The following KMT2B variants were observed in gnomAD, a reference collection of about 807,000 sequenced individuals.
KMT2B encodes histone-lysine N-methyltransferase 2B.
KMT2B carries 22 observed loss-of-function variants against 255.3 expected under a neutral mutation model. The ratio of observed to expected loss-of-function variants is 0.09; its 90% CI spans 0.06 to 0.12. KMT2B has a LOEUF of 0.12. Ranked by LOEUF, KMT2B falls within the 10% of genes least tolerant of loss-of-function variation. KMT2B has a pLI of 1.00. For missense variants in KMT2B, 3,149 were observed against 3,737.0 expected, an observed-to-expected ratio of 0.84 and a Z score of 4.10; for synonymous variants, 1,730 against 1,498.1, an observed-to-expected ratio of 1.15 and a Z score of -3.57.
intron 3 of KMT2B, 124 bp from the exon 4 acceptor site, chr19:35,722,235 C>G: frequency 1.0e-6 from 1 of 986,528 alleles, no homozygotes; most frequent in South Asian, 1.7e-5. Flanking sequence ...GAACTCCTGA[C>G]CTCGTGATCT....
In KMT2B at chr19:35,722,374, C is replaced by G. The variant is rs200726362; in HGVS notation, c.2473C>G (p.Gln825Glu). The change falls in exon 4 of 37, where the codon CAG becomes GAG. Residue 825 changes from glutamine (Q) to glutamate (E), a missense_variant. Gln to Glu is a conservative substitution (Grantham distance 29). Around this residue, in one of 18 missense-constraint regions of KMT2B, gnomAD observed 1,188 missense variants for 1,106.4 expected, o/e 1.07. Transcript: ENST00000420124. ...AASMPLSPGG[Q>E]MEEVAGAVKQ... ...TCCCTGCCAGCTGAGCCCTGGAGGG[C>G]AGATGGAGGAGGTGGCCGGGGCTGT... is the stretch of plus-strand genomic sequence containing the variant. 2.5e-6 allele frequency: 4 copies of G among 1,610,038 alleles called. No individual in the cohort carries two copies. The highest frequency in any genetic ancestry group is 2.7e-5 in the African/African-American group (2 of 75,034).
Position 35,733,414 on chromosome 19 carries a change from C to T in KMT2B, c.6865C>T (p.Pro2289Ser), listed in dbSNP as rs1290854768. 1.3e-6 allele frequency: 2 copies of T among 1,552,350 alleles called. No homozygotes were observed. Among genetic ancestry groups the T allele is most frequent in the Non-Finnish European group, 1.7e-6 (2 of 1,148,104 alleles). Residue 2289 changes from proline (P) to serine (S), a missense_variant, in exon 28 of 37, where the codon CCG (proline) becomes TCG (serine). Transcript: ENST00000420124. This position sits in a 1 kb window ranked among gnomAD's most constrained non-coding sequence, Gnocchi z 4.3. ...GGTGTCCACTTTCTCCGGCCGGTCC[C>T]CGCCAGCACCTCCCCCATACAAAGC... ...KRVSTFSGRS[P>S]PAPPPYKAPR...
At chr19:35,722,899 G>A (rs113036236) in intron 5 of KMT2B, 96 bp from the exon 6 acceptor site, 2 of 1,439,370 alleles carry the variant, frequency 1.4e-6, no homozygotes, top group Non-Finnish European at 1.8e-6. Flanking sequence ...CTGGCGCTGT[G>A]AGAAAGCGAG....
rs985065417 is a variant in KMT2B at position 35,721,071 on chromosome 19, A to T, written c.1724A>T (p.Gln575Leu). ...ATTACCACCTCCCCACCTGTTCCCCAGGAGCCAGCACCAGTCCCCTCTCCA... is the reference window on the plus strand; with the variant it reads ...ATTACCACCTCCCCACCTGTTCCCCTGGAGCCAGCACCAGTCCCCTCTCCA... ...PPITTSPPVP[Q>L]EPAPVPSPPR... The change falls in exon 3 of 37, where the codon CAG (glutamine) becomes CTG (leucine). Residue 575 changes from glutamine (Q) to leucine (L), a missense_variant. Gln to Leu is a moderately radical substitution (Grantham distance 113, BLOSUM62 -2). Around this residue, in one of 18 missense-constraint regions of KMT2B, gnomAD observed 1,188 missense variants for 1,106.4 expected, o/e 1.07. Coordinates refer to ENST00000420124, the MANE Select transcript of KMT2B (RefSeq NM_014727.3). 6.4e-7 allele frequency: 1 copy of T among 1,557,074 alleles called. No homozygotes were observed. Among genetic ancestry groups the T allele is most frequent in the African/African-American group, 1.7e-5 (1 of 59,548 alleles).
chr19:35,734,614 G>A (rs1459371036), intron 30 of KMT2B, among the ~76,000 whole-genome samples: 1 of 152,182 alleles, frequency 6.6e-6, no homozygotes, highest in Non-Finnish European at 1.5e-5. Context: ...TGAGGTAAAG[G>A]AGAGGAGGGA....
chr19:35,732,174 G>A (rs752508246), intron 27 of KMT2B, 39 bp downstream of exon 27: 7 of 1,568,072 alleles, frequency 4.5e-6, no homozygotes, highest in African/African-American at 2.7e-5. Flanking sequence ...GTGGAGCCGC[G>A]GAGGTGGGAG....
At position 35,733,035 on chromosome 19, in the gene KMT2B, A is replaced by T. The variant is rs1417160005; in HGVS notation, c.6486A>T (p.Thr2162=). ...LTASPADPTR[T]FAWLPGAPGV... ...CCAGCCCAGCTGACCCCACCCGCAC[A>T]TTTGCCTGGCTCCCAGGGGCCCCAG... Residue 2162 remains threonine, a synonymous_variant, in exon 28 of 37, where the codon ACA becomes ACT. Coordinates refer to ENST00000420124, the MANE Select transcript of KMT2B (RefSeq NM_014727.3). This position sits in a 1 kb window ranked among gnomAD's most constrained non-coding sequence, Gnocchi z 4.3. 1 of 1,588,706 alleles carries T rather than the reference A, an allele frequency of 6.3e-7. No homozygotes were observed. Among genetic ancestry groups the T allele is most frequent in the Non-Finnish European group, 8.6e-7 (1 of 1,168,256 alleles).
chr19:35,729,434 C>A (rs747371991), intron 22 of KMT2B, 138 bp downstream of exon 22: 2 of 1,197,830 alleles, frequency 1.7e-6, no homozygotes, highest in East Asian at 2.6e-5. Context: ...TGCCCTGGGA[C>A]GTTGGTGCTG....
In KMT2B at chr19:35,720,610, G is replaced by A. The variant is rs1019799647; in HGVS notation, c.1263G>A (p.Ser421=). ...PSPPPPLPPP[S]TSPPPPLCPP... ...CTCCTCCACCCCTCCCACCCCCTTC[G>A]ACATCTCCTCCACCCCCACTCTGCC... The change falls in exon 3 of 37, where the codon TCG becomes TCA. Residue 421 remains serine, a synonymous_variant. Coordinates refer to ENST00000420124, the MANE Select transcript of KMT2B (RefSeq NM_014727.3). The A allele has an allele frequency of 2.1e-5, 25 of 1,195,080 alleles. No individual in the cohort carries two copies. The South Asian group carries it at 2.6e-4, about 12-fold the overall frequency. 74.0% of individuals were successfully genotyped at this position (1,195,080 alleles called of 1,614,324 possible). A position where few individuals can be genotyped will look rare whatever the true frequency, so the allele number is the denominator to read the frequency against.
In KMT2B at chr19:35,733,334, T is replaced by C; in HGVS notation, c.6785T>C (p.Leu2262Pro). The C allele has an allele frequency of 8.5e-7, 1 of 1,180,462 alleles. No individual in the cohort carries two copies. Among genetic ancestry groups the C allele is most frequent in the Non-Finnish European group, 1.2e-6 (1 of 862,330 alleles). 73.1% of individuals were successfully genotyped at this position (1,180,462 alleles called of 1,614,324 possible). ...APPPPPPPLTLVLSSGPASPP... is the reference protein window; with the variant it reads ...APPPPPPPLTPVLSSGPASPP... ...CCCCCGCCACCCCCTCCCCTGACGC[T>C]GGTGCTGAGCAGTGGGCCAGCCAGC... Residue 2262 changes from leucine to proline, a missense_variant, in exon 28 of 37, where the codon CTG (leucine) becomes CCG (proline). Physicochemically the swap from Leu to Pro is moderately conservative, Grantham distance 98 (BLOSUM62 -3). Around this residue, in one of 18 missense-constraint regions of KMT2B, gnomAD observed 897 missense variants for 825.3 expected, o/e 1.09. Coordinates refer to ENST00000420124, the MANE Select transcript of KMT2B (RefSeq NM_014727.3). The surrounding 1 kb of genome is among the most constrained non-coding windows in gnomAD (Gnocchi z 4.3).
Position 35,733,602 on chromosome 19 carries a change from G to T in KMT2B, c.6965G>T (p.Ser2322Ile). 5 of 1,578,580 alleles carry T rather than the reference G, an allele frequency of 3.2e-6. No homozygotes were observed. Among genetic ancestry groups the T allele is most frequent in the Non-Finnish European group, 4.3e-6 (5 of 1,162,482 alleles). The change falls in exon 29 of 37, where the codon AGC becomes ATC. Residue 2322 changes from serine to isoleucine, a missense_variant. Physicochemically the swap from Ser to Ile is moderately radical, Grantham distance 142. This residue lies in a region of KMT2B where 897 missense variants were observed against 825.3 expected (regional missense o/e 1.09). Transcript: ENST00000420124. The surrounding 1 kb of genome is among the most constrained non-coding windows in gnomAD (Gnocchi z 4.3). ...QVPGLGSGGF[S>I]RVRMKTPTVR... ...TCTCGGGCTCGCCCTCCCAGGTTTA[G>T]CCGTGTGAGGATGAAAACCCCCACA...
chr19:35,727,195 A>G lies in KMT2B; in HGVS notation c.4043A>G (p.Asn1348Ser), dbSNP rs1482613248. ...ATCTGTACACGCTGCTATGAAGACA[A>G]CGACTATGAGAGCAAGATGATGCAG... ...CPICTRCYED[N>S]DYESKMMQCA... Residue 1348 changes from asparagine to serine, a missense_variant, in exon 15 of 37, where the codon AAC (asparagine) becomes AGC (serine). Asn to Ser is a conservative substitution (Grantham distance 46). Around this residue, in one of 18 missense-constraint regions of KMT2B, gnomAD observed 377 missense variants for 471.0 expected, o/e 0.80. Coordinates refer to ENST00000420124, the MANE Select transcript of KMT2B (RefSeq NM_014727.3). The surrounding 1 kb of genome is among the most constrained non-coding windows in gnomAD (Gnocchi z 4.2). 8 of 1,613,554 alleles carry G rather than the reference A, an allele frequency of 5.0e-6. No homozygotes were observed. In the Admixed American group the frequency reaches 1.3e-4, roughly 27 times the overall value.
At chr19:35,726,535 G>C (rs185851658) in intron 14 of KMT2B, among the ~76,000 whole-genome samples, 182 bp downstream of exon 14, 1 of 152,232 alleles carries the variant, frequency 6.6e-6, no homozygotes, top group East Asian at 1.9e-4. Flanking sequence ...GGGACACATA[G>C]CTCCTCTGAG....
intron 1 of KMT2B, 65 bp from the exon 2 acceptor site, chr19:35,719,404 C>A: frequency 8.5e-7 from 1 of 1,180,774 alleles, no homozygotes. Context: ...CTCGATACCT[C>A]AGATGGAACG....
At position 35,719,890 on chromosome 19, in the gene KMT2B, G is replaced by A; in HGVS notation, c.543G>A (p.Arg181=). 1 of 1,613,416 alleles carries A rather than the reference G, an allele frequency of 6.2e-7. No individual in the cohort carries two copies. ...PTPPKTPARK[R]GEEGTERMVQ... is the part of the protein sequence containing the mutation. ...CCCCAAAGACCCCTGCCCGGAAACG[G>A]GGTGAGGAAGGCACAGAACGGATGG... The change falls in exon 3 of 37, where the codon CGG becomes CGA. Residue 181 remains arginine, a synonymous_variant. Transcript: ENST00000420124.
intron 1 of KMT2B, 102 bp from the exon 2 acceptor site, chr19:35,719,367 T>A: frequency 1.3e-6 from 1 of 792,444 alleles, no homozygotes; most frequent in Non-Finnish European, 2.1e-6. Context: ...TAGGCAGGGG[T>A]ATGCTAAGTG....
rs1484780239 is a variant in KMT2B at position 35,737,581 on chromosome 19, CCT to C, written c.7551-54_7551-53del. The C allele has an allele frequency of 8.6e-7, 1 of 1,167,830 alleles. No homozygotes were observed. Among genetic ancestry groups the C allele is most frequent in the African/African-American group, 1.6e-5 (1 of 64,252 alleles). 72.3% of individuals were successfully genotyped at this position (1,167,830 alleles called of 1,614,324 possible). A position where few individuals can be genotyped will look rare whatever the true frequency, so the allele number is the denominator to read the frequency against. On this transcript the variant is annotated intron_variant, in intron 33 of 36. Transcript: ENST00000420124. This position sits in a 1 kb window ranked among gnomAD's most constrained non-coding sequence, Gnocchi z 5.3. ...CAGAAAAATGAACCCCACCCATTTCCCTGTTAGCTCTGTCTTCAACAGTATAT... is the reference window on the plus strand; with the variant it reads ...CAGAAAAATGAACCCCACCCATTTCCGTTAGCTCTGTCTTCAACAGTATAT...
In KMT2B at chr19:35,737,021, G is replaced by T. The variant is rs1295626365; in HGVS notation, c.7372+35G>T. On this transcript the variant is annotated intron_variant, in intron 32 of 36. Transcript: ENST00000420124. This position sits in a 1 kb window ranked among gnomAD's most constrained non-coding sequence, Gnocchi z 5.3. ...GGGCCCCACAGGGGGCAGGGAGCTG[G>T]ATGTCTCCCCGAGGGCACCATGGGC... 3 of 1,610,852 alleles carry T rather than the reference G, an allele frequency of 1.9e-6. No homozygotes were observed. Among genetic ancestry groups the T allele is most frequent in the African/African-American group, 1.3e-5 (1 of 74,850 alleles).
In KMT2B at chr19:35,720,554, C is replaced by A; in HGVS notation, c.1207C>A (p.Pro403Thr). Reference sequence around the variant, plus strand: ...GGAAAAGGAAGAGGCAAAGCTGCCACCACCGCCTCTGACTCCTCCAGCCCC... The same window carrying A: ...GGAAAAGGAAGAGGCAAAGCTGCCAACACCGCCTCTGACTCCTCCAGCCCC... Reference protein sequence around the residue: ...AAEKEEAKLPPPPLTPPAPSP... With the variant: ...AAEKEEAKLPTPPLTPPAPSP... Residue 403 changes from proline to threonine, a missense_variant, in exon 3 of 37, where the codon CCA becomes ACA. Transcript: ENST00000420124. 1 of 1,545,450 alleles carries A rather than the reference C, an allele frequency of 6.5e-7. No homozygotes were observed. The highest frequency in any genetic ancestry group is 1.2e-5 in the South Asian group (1 of 83,604).
Sources: allele counts gnomAD v4.1 joint callset (sites outside exome capture counted in the v4.1 genomes callset), GRCh38; gene constraint gnomAD v4.1.1; regional missense constraint gnomAD v4.1.1; non-coding constraint Gnocchi (gnomAD v3.1); transcripts MANE v1.5; gene names NCBI Gene and HGNC (gene_info 2026-07-23, HGNC 2026-07-21).